Variants in CTSB observed in about 807,000 individuals in gnomAD.
The protein encoded by CTSB is cathepsin B, also known as APP secretase.
In CTSB, 57 loss-of-function variants were observed where a neutral mutation model predicts 44.3. The observed-to-expected ratio is 1.29, with a 90% CI of 1.04 to 1.60. The LOEUF is 1.60. Ranked by LOEUF, CTSB falls within the 40% of genes most tolerant of loss-of-function variation. CTSB has a pLI of 0.00. For missense variants in CTSB, 768 were observed against 443.0 expected, an observed-to-expected ratio of 1.73 and a Z score of -6.59; for synonymous variants, 320 against 168.0, an observed-to-expected ratio of 1.91 and a Z score of -7.00.
At chr8:11,865,123 C>T (rs959178074) in intron 1 of CTSB, among the ~76,000 whole-genome samples, 1 of 152,206 alleles carries the variant, frequency 6.6e-6, no homozygotes, top group East Asian at 1.9e-4. Flanking sequence ...CACATCTGTA[C>T]ATGCCTCCCC....
At chr8:11,847,389 C>T (rs1460162798) in intron 7 of CTSB, among the ~76,000 whole-genome samples, 2 of 152,100 alleles carry the variant, frequency 1.3e-5, no homozygotes, top group Non-Finnish European at 2.9e-5. Flanking sequence ...AGCACGAGGC[C>T]CCGGAAGAGG....
rs772602661 is a variant in CTSB, at chr8:11,845,210, ATT to A, written c.933_934del (p.Lys311AsnfsTer45). On this transcript the variant is annotated frameshift_variant, in exon 10 of 10. Coordinates refer to ENST00000353047, the MANE Select transcript of CTSB (RefSeq NM_001908.5). LOFTEE classifies it high-confidence loss of function. ...TCCACAGTGATCCTGTCCTCTGAGT[ATT>A]TTAAAGAAGCCTGGGAATAAAAAGT... 2 of 1,613,084 alleles carry A rather than the reference ATT, an allele frequency of 1.2e-6. No individual in the cohort carries two copies. The highest frequency in any genetic ancestry group is 1.7e-6 in the Non-Finnish European group (2 of 1,179,084).
Position 11,845,711 on chromosome 8 carries a change from G to T in CTSB, c.872C>A (p.Thr291Lys), listed in dbSNP as rs777430829. Reference protein sequence around the residue: ...RILGWGVENGTPYWLVANSWN... With the variant: ...RILGWGVENGKPYWLVANSWN... ...GGAGTTGGCAACCAGCCAGTAGGGTGTGCCATTCTCCACTCCCCAGCCCAG... is the reference window on the plus strand; with the variant it reads ...GGAGTTGGCAACCAGCCAGTAGGGTTTGCCATTCTCCACTCCCCAGCCCAG... Residue 291 changes from threonine to lysine, a missense_variant, in exon 9 of 10, where the codon ACA (threonine) becomes AAA (lysine). Thr to Lys is a moderately conservative substitution (Grantham distance 78). Coordinates refer to ENST00000353047, the MANE Select transcript of CTSB (RefSeq NM_001908.5). 1.2e-5 allele frequency: 19 copies of T among 1,614,008 alleles called. No homozygotes were observed. The highest frequency in any genetic ancestry group is 1.6e-5 in the Non-Finnish European group (19 of 1,179,978).
intron 3 of CTSB, among the ~76,000 whole-genome samples, chr8:11,852,173 C>T (rs529684099): frequency 7.2e-5 from 11 of 152,208 alleles, no homozygotes; most frequent in South Asian, 2.1e-4. Flanking sequence ...GAGTTCGAGA[C>T]GAGCCTGGCC....
Position 11,850,860 on chromosome 8 carries a change from C to T in CTSB, c.327+6G>A, listed in dbSNP as rs370021379. 10 of 1,601,982 alleles carry T rather than the reference C, an allele frequency of 6.2e-6. No individual in the cohort carries two copies. The highest frequency in any genetic ancestry group is 7.7e-6 in the Non-Finnish European group (9 of 1,170,092). On this transcript the variant is annotated splice_donor_region_variant and intron_variant, in intron 4 of 9. Coordinates refer to ENST00000353047, the MANE Select transcript of CTSB (RefSeq NM_001908.5). The stretch of plus-strand genomic sequence containing the variant: ...AGCGCTTCCCCGCCAGCCAGCAGGG[C>T]CTTACCCAGCAGGAGCCACAGGAGC...
intron 1 of CTSB, among the ~76,000 whole-genome samples, chr8:11,859,975 G>A (rs1231846602): frequency 6.6e-6 from 1 of 151,250 alleles, no homozygotes; most frequent in Non-Finnish European, 1.5e-5. Context: ...AGGAAGCTGA[G>A]GCAGGAAAAT....
At chr8:11,858,550 A>G (rs111503285) in intron 1 of CTSB, among the ~76,000 whole-genome samples, 2,682 of 152,310 alleles carry the variant, frequency 0.018, 93 homozygotes, top group African/African-American at 0.061. Flanking sequence ...TTGGCCTCCC[A>G]AAGTGTCGGG....
intron 3 of CTSB, among the ~76,000 whole-genome samples, chr8:11,852,057 G>A (rs1054723148): frequency 6.6e-6 from 1 of 152,142 alleles, no homozygotes; most frequent in Non-Finnish European, 1.5e-5. Context: ...CACATCTGCG[G>A]CTGAGACACC....
chr8:11,845,109 A>G lies in CTSB; in HGVS notation c.*16T>C, dbSNP rs1488294807. On this transcript the variant is annotated 3_prime_UTR_variant, in exon 10 of 10. Coordinates refer to ENST00000353047, the MANE Select transcript of CTSB (RefSeq NM_001908.5). ...CGATCTCGCCCCCAGGACTGGCACG[A>G]CAGGCCCACGGCAGATTAGATCTTT... 6.3e-7 allele frequency: 1 copy of G among 1,585,500 alleles called. No individual in the cohort carries two copies. Among genetic ancestry groups the G allele is most frequent in the Non-Finnish European group, 8.7e-7 (1 of 1,154,010 alleles).
rs1187533102 is a variant in CTSB at position 11,842,942 on chromosome 8, T to TTA, written c.*2182_*2183insTA. ...TTGAGCCACTGCGCCCGGCCTTTTT[T>TTA]TTTTTTTTTTTTTTTTTAATTATTG... is the stretch of plus-strand genomic sequence containing the variant. On this transcript the variant is annotated 3_prime_UTR_variant, in exon 10 of 10. Coordinates refer to ENST00000353047, the MANE Select transcript of CTSB (RefSeq NM_001908.5). 1.2e-4 allele frequency: 17 copies of TTA among 138,608 alleles called. No individual in the cohort carries two copies. Among genetic ancestry groups the TTA allele is most frequent in the African/African-American group, 4.9e-4 (17 of 34,514 alleles). 8.6% of individuals were successfully genotyped at this position (138,608 alleles called of 1,614,324 possible). A position where few individuals can be genotyped will look rare whatever the true frequency, so the allele number is the denominator to read the frequency against.
chr8:11,849,005 T>C (rs373588083), intron 5 of CTSB, 41 bp downstream of exon 5: 1 of 1,472,056 alleles, frequency 6.8e-7, no homozygotes, highest in Admixed American at 1.7e-5. Context: ...GCCCAGGGTC[T>C]CTCAGCACTA....
chr8:11,853,551 G>A lies in CTSB; in HGVS notation c.-25-72C>T, dbSNP rs554519246. The stretch of plus-strand genomic sequence containing the variant: ...GAGGGCTCACACACACAGGGGCACC[G>A]TCTCGGGCATCAGTGGGGACCCCCA... On this transcript the variant is annotated intron_variant, in intron 1 of 9. Transcript: ENST00000353047. 306 of 1,442,454 alleles carry A rather than the reference G, an allele frequency of 2.1e-4. 1 individual carries two copies. Among genetic ancestry groups the A allele is most frequent in the Middle Eastern group, 9.2e-4 (4 of 4,348 alleles). The allele number at this position is 1,442,454 out of a possible 1,614,324, so 89.4% of individuals were successfully genotyped here. A position where few individuals can be genotyped will look rare whatever the true frequency, so the allele number is the denominator to read the frequency against.
chr8:11,852,747 G>A lies in CTSB; in HGVS notation c.127-52C>T, dbSNP rs897022136. On this transcript the variant is annotated intron_variant, in intron 2 of 9. Transcript: ENST00000353047. ...AGGGTCTCCCGGGATGGCGGTGGAT[G>A]GGCACGCTGCCCACACACGAAGCCC... 2.0e-6 allele frequency: 3 copies of A among 1,531,830 alleles called. No individual in the cohort carries two copies. In the African/African-American group the frequency reaches 4.1e-5, roughly 21 times the overall value. 94.9% of individuals were successfully genotyped at this position (1,531,830 alleles called of 1,614,324 possible).
Position 11,847,188 on chromosome 8 carries a change from C to A in CTSB, c.677-20G>T, listed in dbSNP as rs775197664. 4 of 1,544,470 alleles carry A rather than the reference C, an allele frequency of 2.6e-6. No individual in the cohort carries two copies. In the East Asian group the frequency reaches 6.8e-5, roughly 26 times the overall value. On this transcript the variant is annotated intron_variant, in intron 7 of 9. Transcript: ENST00000353047. The stretch of plus-strand genomic sequence containing the variant: ...TGTATCCTGGAAAATGAACCGAGCT[C>A]GGGGTTGGGGAGGGCAGTGACCGTG...
chr8:11,850,454 AAAC>A (rs907635459), intron 4 of CTSB, among the ~76,000 whole-genome samples: 4 of 151,844 alleles, frequency 2.6e-5, no homozygotes, highest in Admixed American at 6.6e-5. Flanking sequence ...AAGAAAAAGA[AAAC>A]AAAAGAAGAT....
intron 8 of CTSB, chr8:11,846,437 T>G (rs939743059): frequency 1.3e-5 from 2 of 152,368 alleles, no homozygotes; most frequent in African/African-American, 4.8e-5. Context: ...GTTTCCAATC[T>G]AGCAAAATAT....
intron 8 of CTSB, among the ~76,000 whole-genome samples, chr8:11,846,711 G>C (rs1186856222): frequency 2.6e-5 from 4 of 152,252 alleles, no homozygotes; most frequent in African/African-American, 4.8e-5. Flanking sequence ...GCAATGCAAA[G>C]CCAGGAAGGC....
At chr8:11,847,648 G>A (rs186642844) in intron 7 of CTSB, 31 bp downstream of exon 7, 28 of 1,504,602 alleles carry the variant, frequency 1.9e-5, no homozygotes, top group Middle Eastern at 3.7e-4. Flanking sequence ...CAGCCTCCAC[G>A]TGCGCCGTGG....
chr8:11,858,146 C>T (rs1019231847), intron 1 of CTSB, among the ~76,000 whole-genome samples: 6 of 152,228 alleles, frequency 3.9e-5, no homozygotes, highest in African/African-American at 1.4e-4. Context: ...CGGCACATGC[C>T]TGGCATGCAG....
Sources: gnomAD v4.1 joint callset for allele counts (sites outside exome capture counted in the v4.1 genomes callset) on GRCh38, gnomAD v4.1.1 for gene constraint, MANE v1.5 for transcripts, NCBI Gene and HGNC (gene_info 2026-07-23, HGNC 2026-07-21) for gene names.